Variants in ZNF487 observed in about 807,000 individuals in gnomAD.
ZNF487 encodes the protein KRAB domain only 1.
ZNF487 carries 4 observed loss-of-function variants against 3.0 expected under a neutral mutation model. The observed-to-expected ratio is 1.35, with a 90% confidence interval of 0.66 to 3.08. ZNF487 has a LOEUF of 3.08. ZNF487 is among the 30% of genes most tolerant of loss of function. The pLI, the probability that ZNF487 is intolerant of heterozygous loss-of-function variation, is 0.01. For synonymous variants in ZNF487, 55 were observed against 34.6 expected (o/e 1.59, Z -2.06); for missense variants, 146 against 98.7 (o/e 1.48, Z -2.03).
At chr10:43,520,299 G>A in the ZNF487 span, among the ~76,000 whole-genome samples, 1 of 152,012 alleles carries the variant, frequency 6.6e-6, no homozygotes, top group South Asian at 2.1e-4. Flanking sequence ...TGATTGTATG[G>A]CCTGGGTTGT....
the ZNF487 span, among the ~76,000 whole-genome samples, chr10:43,522,709 G>C: frequency 6.6e-6 from 1 of 151,986 alleles, no homozygotes; most frequent in African/African-American, 2.4e-5. Context: ...AATCCAGCCT[G>C]GGCAAAGAGC....
At chr10:43,452,016 A>G (rs190810175) in intron 1 of ZNF487, 8 of 152,368 alleles carry the variant, frequency 5.3e-5, no homozygotes, top group Admixed American at 3.3e-4. Flanking sequence ...GAGAACAAGG[A>G]CTGGGTGGCA....
the ZNF487 span, among the ~76,000 whole-genome samples, chr10:43,511,549 G>A: frequency 1.3e-5 from 2 of 152,158 alleles, no homozygotes; most frequent in Non-Finnish European, 2.9e-5. Context: ...CAGGTAGCTG[G>A]CTGATCACCC....
At chr10:43,515,679 C>T in the ZNF487 span, among the ~76,000 whole-genome samples, 26 of 152,314 alleles carry the variant, frequency 1.7e-4, no homozygotes, top group African/African-American at 5.5e-4. Flanking sequence ...CCACAATTTT[C>T]GCTCTTTCTC....
the ZNF487 span, among the ~76,000 whole-genome samples, chr10:43,488,865 C>A: frequency 6.6e-6 from 1 of 151,724 alleles, no homozygotes; most frequent in Non-Finnish European, 1.5e-5. Flanking sequence ...TCCTGTTATC[C>A]CAGCACTTTG....
chr10:43,487,136 A>ATTTT (rs5784601), downstream of ZNF487, among the ~76,000 whole-genome samples: 174 of 120,644 alleles, frequency 1.4e-3, 1 homozygote, highest in Middle Eastern at 4.6e-3. Context: ...GTCACTAAGA[A>ATTTT]TTTTTTTTTT....
At chr10:43,498,107 TTTTTTTC>T in the ZNF487 span, among the ~76,000 whole-genome samples, 62 of 9,856 alleles carry the variant, frequency 6.3e-3, 3 homozygotes, top group East Asian at 0.017. Flanking sequence ...ATATTTTTTT[TTTTTTTC>T]TTTTTTTTTT....
At chr10:43,485,778 C>T (rs1261100294), downstream of ZNF487, among the ~76,000 whole-genome samples, 2 of 152,174 alleles carry the variant, frequency 1.3e-5, no homozygotes, top group African/African-American at 2.4e-5. Flanking sequence ...CCAAATTGGA[C>T]AGCACTGCTC....
At chr10:43,510,010 C>A in the ZNF487 span, among the ~76,000 whole-genome samples, 78 of 152,172 alleles carry the variant, frequency 5.1e-4, no homozygotes, top group Middle Eastern at 3.4e-3. Flanking sequence ...GGGAAACGTA[C>A]CAATTCCCAA....
Position 43,446,209 on chromosome 10 carries a change from G to C in ZNF487, c.-94+8947G>C, listed in dbSNP as rs533508211. ...GCTGTTGGGTACACCTCCCAGACGG[G>C]GTGGTGGCCGGGCAGAGGGGCTCCT... On this transcript the variant is annotated intron_variant, in intron 1 of 3. Transcript: ENST00000437590. Among the ~76,000 whole-genome samples the C allele has an allele frequency of 1.4e-4, 21 of 152,194 alleles. No individual in the cohort carries two copies. In the South Asian group the frequency reaches 4.2e-3, roughly 30 times the overall value.
the ZNF487 span, among the ~76,000 whole-genome samples, chr10:43,498,620 A>G: frequency 6.6e-6 from 1 of 151,412 alleles, no homozygotes; most frequent in Non-Finnish European, 1.5e-5. Context: ...ATGGGATGCA[A>G]TAGTGCTGAG....
chr10:43,477,254 T>A (rs902691967), intron 3 of ZNF487, among the ~76,000 whole-genome samples: 4 of 151,732 alleles, frequency 2.6e-5, no homozygotes, highest in Non-Finnish European at 5.9e-5. Flanking sequence ...TAGAGTGCAG[T>A]GGTGCAATCT....
the ZNF487 span, among the ~76,000 whole-genome samples, chr10:43,508,590 C>T: frequency 6.6e-6 from 1 of 151,398 alleles, no homozygotes; most frequent in Admixed American, 6.6e-5. Flanking sequence ...GGGTGGATCA[C>T]CTGAGGTCAG....
At chr10:43,516,629 G>A in the ZNF487 span, among the ~76,000 whole-genome samples, 1 of 152,208 alleles carries the variant, frequency 6.6e-6, no homozygotes, top group Non-Finnish European at 1.5e-5. Context: ...AGGGCAGGAA[G>A]CATCCAGCAC....
intron 1 of ZNF487, among the ~76,000 whole-genome samples, chr10:43,469,635 T>C (rs1247385478): frequency 6.6e-6 from 1 of 152,088 alleles, no homozygotes; most frequent in Non-Finnish European, 1.5e-5. Context: ...ACCAATGTAC[T>C]TGGCCTGCAT....
Position 43,478,267 on chromosome 10 carries a change from A to T in ZNF487, c.130+2065A>T, listed in dbSNP as rs1841176397. ...AGGACCCATCTGTACAAAAAATAAA[A>T]AATTAGGCCAGGCGCGGTGGCTCAT... On this transcript the variant is annotated intron_variant, in intron 3 of 3. Transcript: ENST00000437590. 2.0e-5 allele frequency among the ~76,000 whole-genome samples: 3 copies of T among 152,208 alleles called. No homozygotes were observed. The South Asian group carries it at 6.2e-4, about 32-fold the overall frequency.
the ZNF487 span, among the ~76,000 whole-genome samples, chr10:43,506,922 A>G: frequency 1.3e-5 from 2 of 152,178 alleles, no homozygotes; most frequent in African/African-American, 4.8e-5. Context: ...GTGAGCTGTA[A>G]TTAACTGTTC....
intron 1 of ZNF487, among the ~76,000 whole-genome samples, chr10:43,462,536 A>C (rs775461430): frequency 6.7e-6 from 1 of 150,240 alleles, no homozygotes. Flanking sequence ...GCTCACTGCA[A>C]CCTTGGCCTC....
intron 1 of ZNF487, among the ~76,000 whole-genome samples, chr10:43,465,740 A>G (rs1017953678): frequency 1.3e-5 from 2 of 151,422 alleles, no homozygotes; most frequent in Non-Finnish European, 2.9e-5. Context: ...CACATCCCAG[A>G]CGATGGGCGG....
Sources: allele counts gnomAD v4.1 joint callset (sites outside exome capture counted in the v4.1 genomes callset), GRCh38; gene constraint gnomAD v4.1.1; transcripts MANE v1.5; gene names NCBI Gene and HGNC (gene_info 2026-07-23, HGNC 2026-07-21).